The following ANO2 variants were observed in gnomAD, a reference collection of about 807,000 sequenced individuals.
ANO2 encodes anoctamin-2.
In ANO2, 101 loss-of-function variants were observed where a neutral mutation model predicts 124.2. That is an observed-to-expected ratio of 0.81 (90% CI 0.69 to 0.96). ANO2 has a LOEUF of 0.96. Among genes scored for constraint, ANO2 ranks in the 40% least tolerant of loss-of-function variants. The probability of loss-of-function intolerance (pLI) is 0.00; values close to 1 mark genes in which losing one functional copy is unlikely to be tolerated. For missense variants in ANO2, 1,293 were observed against 1,274.5 expected (o/e 1.01, Z -0.22); for synonymous variants, 486 against 482.5 (o/e 1.01, Z -0.09).
intron 10 of ANO2, among the ~76,000 whole-genome samples, chr12:5,753,810 A>C (rs531260484): frequency 6.6e-6 from 1 of 152,262 alleles, no homozygotes; most frequent in South Asian, 2.1e-4. Flanking sequence ...GGTTTTCTGC[A>C]TATGAGATCA....
intron 14 of ANO2, among the ~76,000 whole-genome samples, chr12:5,653,001 T>C (rs1416409541): frequency 6.6e-6 from 1 of 152,192 alleles, no homozygotes; most frequent in African/African-American, 2.4e-5. Flanking sequence ...TTTTATATTT[T>C]GAATTTGCTT....
intron 14 of ANO2, among the ~76,000 whole-genome samples, chr12:5,660,459 C>CT (rs1249619259): frequency 3.3e-5 from 5 of 150,450 alleles, no homozygotes; most frequent in African/African-American, 1.2e-4. Context: ...ATAGCAAAAC[C>CT]TTAGCATGAC....
At chr12:5,920,096 C>G (rs974906869) in intron 3 of ANO2, among the ~76,000 whole-genome samples, 11 of 151,302 alleles carry the variant, frequency 7.3e-5, no homozygotes, top group African/African-American at 2.7e-4. Context: ...TGCATGCATG[C>G]ATGGGTGGGT....
At chr12:5,859,538 C>CTCTTTTTTTT (rs932933027) in intron 3 of ANO2, among the ~76,000 whole-genome samples, 1 of 151,148 alleles carries the variant, frequency 6.6e-6, no homozygotes, top group African/African-American at 2.5e-5. Flanking sequence ...CGGTCTCTCT[C>CTCTTTTTTTT]TCTTTTTTTT....
At chr12:5,798,283 T>G (rs1013611374) in intron 10 of ANO2, among the ~76,000 whole-genome samples, 3 of 151,824 alleles carry the variant, frequency 2.0e-5, no homozygotes, top group East Asian at 3.9e-4. Flanking sequence ...ATGTCCCTGC[T>G]CCCCCACCCA....
At chr12:5,615,510 A>G (rs190301844) in intron 16 of ANO2, among the ~76,000 whole-genome samples, 1 of 152,154 alleles carries the variant, frequency 6.6e-6, no homozygotes, top group Admixed American at 6.5e-5. Context: ...AAAATATAGG[A>G]TCACTGTCTT....
rs759191165 is a variant in ANO2 at position 5,575,991 on chromosome 12, C to T, written c.2464G>A (p.Asp822Asn). Reference sequence around the variant, plus strand: ...TGGTACACCAGGCGGGGGATAAAGTCGGAGGTGATCGCAATGACAAAAGCC... The same window carrying T: ...TGGTACACCAGGCGGGGGATAAAGTTGGAGGTGATCGCAATGACAAAAGCC... ...SNAFVIAITS[D>N]FIPRLVYQYS... The change falls in exon 23 of 25, where the codon GAC (aspartate) becomes AAC (asparagine). Residue 822 changes from aspartate to asparagine, a missense_variant. Physicochemically the swap from Asp to Asn is conservative, Grantham distance 23 (BLOSUM62 1). Coordinates refer to ENST00000682330, the MANE Select transcript of ANO2 (RefSeq NM_001364791.2). 7 of 1,609,102 alleles carry T rather than the reference C, an allele frequency of 4.4e-6. No homozygotes were observed. In the Admixed American group the frequency reaches 6.8e-5, roughly 16 times the overall value.
At chr12:5,756,392 T>C (rs1008204623) in intron 10 of ANO2, among the ~76,000 whole-genome samples, 1 of 152,162 alleles carries the variant, frequency 6.6e-6, no homozygotes, top group African/African-American at 2.4e-5. Flanking sequence ...CAGCTCCTAA[T>C]AAGGTAGTAT....
chr12:5,620,236 T>C (rs1565484036), intron 16 of ANO2, among the ~76,000 whole-genome samples: 1 of 152,158 alleles, frequency 6.6e-6, no homozygotes, highest in Non-Finnish European at 1.5e-5. Flanking sequence ...GTAGATACAG[T>C]AGTAAAACAG....
At chr12:5,629,682 G>T (rs996632782) in intron 16 of ANO2, among the ~76,000 whole-genome samples, 1 of 152,164 alleles carries the variant, frequency 6.6e-6, no homozygotes, top group East Asian at 1.9e-4. Flanking sequence ...GGGACTAAGA[G>T]ACTTTGTCCC....
Position 5,923,161 on chromosome 12 carries a change from CATACACACACACGCACACACACAT to C in ANO2, c.23-381_23-358del, listed in dbSNP as rs1565783939. ...ACACACATGCACACATACACACACG[CATACACACACACGCACACACACAT>C]ACACACACACGCACGCACACACACC... On this transcript the variant is annotated intron_variant, in intron 1 of 24. Transcript: ENST00000682330. Among the ~76,000 whole-genome samples the C allele has an allele frequency of 1.3e-4, 7 of 54,176 alleles. 1 individual carries two copies. Among genetic ancestry groups the C allele is most frequent in the Non-Finnish European group, 2.1e-4 (5 of 23,722 alleles). The allele number at this position is 54,176 out of a possible 152,430, so 35.5% of individuals were successfully genotyped here. A position where few individuals can be genotyped will look rare whatever the true frequency, so the allele number is the denominator to read the frequency against.
chr12:5,610,983 T>TTTTTGCTTTTTTTTTTG (rs1944519184), intron 19 of ANO2, among the ~76,000 whole-genome samples: 4 of 121,656 alleles, frequency 3.3e-5, no homozygotes, highest in African/African-American at 1.2e-4. Flanking sequence ...TTTTTTTTTT[T>TTTTTGCTTTTTTTTTTG]TTTTTTGAGA....
chr12:5,731,667 T>A (rs1051145157), intron 14 of ANO2, among the ~76,000 whole-genome samples: 2 of 151,712 alleles, frequency 1.3e-5, no homozygotes, highest in Non-Finnish European at 2.9e-5. Context: ...CCAAAGAGCA[T>A]CCCCATGTCC....
At chr12:5,766,707 GCAGCATAGT>G (rs1477832815) in intron 10 of ANO2, among the ~76,000 whole-genome samples, 1 of 152,150 alleles carries the variant, frequency 6.6e-6, no homozygotes. Context: ...TTTAAAAGAG[GCAGCATAGT>G]CACATAATAC....
chr12:5,578,462 A>T lies in ANO2; in HGVS notation c.2290T>A (p.Phe764Ile). 1.9e-6 allele frequency: 3 copies of T among 1,613,958 alleles called. No homozygotes were observed. Among genetic ancestry groups the T allele is most frequent in the Non-Finnish European group, 2.5e-6 (3 of 1,179,876 alleles). The change falls in exon 21 of 25, where the codon TTT (phenylalanine) becomes ATT (isoleucine). Residue 764 changes from phenylalanine to isoleucine, a missense_variant. Transcript: ENST00000682330. Reference sequence around the variant, plus strand: ...TCAATGACGTTGTTGAGGAGGGCAAACACAGGTGCCAGGGGAAAGGAGGCC... The same window carrying T: ...TCAATGACGTTGTTGAGGAGGGCAATCACAGGTGCCAGGGGAAAGGAGGCC... ...FVASFPLAPV[F>I]ALLNNVIEVR...
At chr12:5,669,219 C>G (rs1193136199) in intron 14 of ANO2, among the ~76,000 whole-genome samples, 1 of 152,112 alleles carries the variant, frequency 6.6e-6, no homozygotes, top group Non-Finnish European at 1.5e-5. Context: ...TTCCCTTGAG[C>G]AATGGTTTGT....
chr12:5,659,980 AG>A (rs1325143841), intron 14 of ANO2, among the ~76,000 whole-genome samples: 1 of 152,176 alleles, frequency 6.6e-6, no homozygotes, highest in Admixed American at 6.5e-5. Flanking sequence ...GCCTGGGGCA[AG>A]CAAGTCGTCA....
chr12:5,567,449 T>C (rs576118904), intron 23 of ANO2, among the ~76,000 whole-genome samples: 4 of 152,184 alleles, frequency 2.6e-5, no homozygotes, highest in Non-Finnish European at 5.9e-5. Context: ...CTCACTCTTC[T>C]AGAGACCTCC....
chr12:5,869,654 C>T (rs1353017583), intron 3 of ANO2, among the ~76,000 whole-genome samples: 3 of 152,082 alleles, frequency 2.0e-5, no homozygotes, highest in African/African-American at 7.2e-5. Context: ...GGACACAAAC[C>T]AGAGATCACT....
Sources: allele counts gnomAD v4.1 joint callset (sites outside exome capture counted in the v4.1 genomes callset), GRCh38; gene constraint gnomAD v4.1.1; transcripts MANE v1.5; gene names NCBI Gene and HGNC (gene_info 2026-07-23, HGNC 2026-07-21).